Variants in DLGAP1 observed in about 807,000 individuals in gnomAD.
DLGAP1 encodes disks large-associated protein 1.
In DLGAP1, 11 loss-of-function variants were observed where a neutral mutation model predicts 90.8. The ratio of observed to expected loss-of-function variants is 0.12; its 90% CI spans 0.08 to 0.20. The LOEUF (loss-of-function observed/expected upper bound fraction) is 0.20, where lower values mean the gene tolerates loss of function less well. DLGAP1 is among the 10% of genes least tolerant of loss of function. DLGAP1 has a pLI of 1.00. For missense variants in DLGAP1, 1,050 were observed against 1,333.8 expected (o/e 0.79, Z 3.31); for synonymous variants, 558 against 540.7 (o/e 1.03, Z -0.44).
At chr18:4,274,160 T>A (rs2079354323) in intron 1 of DLGAP1, among the ~76,000 whole-genome samples, 1 of 152,146 alleles carries the variant, frequency 6.6e-6, no homozygotes, top group Non-Finnish European at 1.5e-5. Context: ...GTTATAACTT[T>A]CCCTCTAAGT....
At chr18:3,758,743 G>A (rs1251511034) in intron 5 of DLGAP1, among the ~76,000 whole-genome samples, 1 of 152,160 alleles carries the variant, frequency 6.6e-6, no homozygotes, top group East Asian at 1.9e-4. Flanking sequence ...TCATGCATAT[G>A]ACTCATGCAT....
In DLGAP1 at chr18:3,582,112, C is replaced by T. The variant is rs765088053; in HGVS notation, c.1728G>A (p.Gln576=). ...CAGACTGGCTGATAATATCTCCTCG[C>T]TGGCCCTGTCCGTCCATGTAGGCAT... is the stretch of plus-strand genomic sequence containing the variant. ...AQDAYMDGQG[Q]RGDIISQSGL... Residue 576 remains glutamine (Q), a synonymous_variant, in exon 8 of 13, where the codon CAG becomes CAA. Transcript: ENST00000315677. 3 of 1,613,854 alleles carry T rather than the reference C, an allele frequency of 1.9e-6. No homozygotes were observed. The highest frequency in any genetic ancestry group is 4.5e-5 in the East Asian group (2 of 44,878).
At chr18:4,082,024 A>C (rs2075615190) in intron 2 of DLGAP1, among the ~76,000 whole-genome samples, 1 of 151,838 alleles carries the variant, frequency 6.6e-6, no homozygotes, top group African/African-American at 2.4e-5. Context: ...CCTGGCCAAC[A>C]TGGTGAAATA....
At chr18:3,502,216 A>C (rs2049976674) in intron 12 of DLGAP1, 1 of 1,306,056 alleles carries the variant, frequency 7.7e-7, no homozygotes, top group Non-Finnish European at 9.7e-7. Context: ...CCTTCCAGTG[A>C]CTAAAATGGT....
Position 3,601,439 on chromosome 18 carries a change from GGTGTGTGT to G in DLGAP1, c.1592-19199_1592-19192del, listed in dbSNP as rs112583120. Among the ~76,000 whole-genome samples, 7 of 148,112 alleles carry G rather than the reference GGTGTGTGT, an allele frequency of 4.7e-5. No individual in the cohort carries two copies. The East Asian group carries it at 9.8e-4, about 21-fold the overall frequency. On this transcript the variant is annotated intron_variant, in intron 7 of 12. Coordinates refer to ENST00000315677, the MANE Select transcript of DLGAP1 (RefSeq NM_004746.4). Reference sequence around the variant, plus strand: ...CAGATAAACACTTCACATATGCAAGGGTGTGTGTGTGTGTGTGTGTGTGTTTTAACTCA... The same window carrying G: ...CAGATAAACACTTCACATATGCAAGGGTGTGTGTGTGTGTGTTTTAACTCA...
At chr18:3,908,540 T>C (rs2071962672) in intron 3 of DLGAP1, among the ~76,000 whole-genome samples, 1 of 152,178 alleles carries the variant, frequency 6.6e-6, no homozygotes, top group South Asian at 2.1e-4. Flanking sequence ...CTCTTGATGA[T>C]TCTGATGTGC....
At chr18:3,563,307 G>A (rs2054248956) in intron 9 of DLGAP1, among the ~76,000 whole-genome samples, 1 of 152,044 alleles carries the variant, frequency 6.6e-6, no homozygotes, top group African/African-American at 2.4e-5. Flanking sequence ...CTGAATCTGA[G>A]GTGTCTGACA....
At chr18:4,008,195 C>T (rs949044853) in intron 2 of DLGAP1, among the ~76,000 whole-genome samples, 1 of 150,590 alleles carries the variant, frequency 6.6e-6, no homozygotes, top group African/African-American at 2.5e-5. Context: ...CAGAACCAAA[C>T]CCTATATGTA....
intron 1 of DLGAP1, among the ~76,000 whole-genome samples, chr18:4,182,553 C>G (rs1348659469): frequency 6.6e-6 from 1 of 152,112 alleles, no homozygotes; most frequent in Non-Finnish European, 1.5e-5. Flanking sequence ...GAAGATCCCA[C>G]ATAAGTTGGA....
intron 2 of DLGAP1, among the ~76,000 whole-genome samples, chr18:4,037,099 T>C (rs1311253866): frequency 6.6e-6 from 1 of 152,144 alleles, no homozygotes; most frequent in African/African-American, 2.4e-5. Flanking sequence ...GGCACTGAAA[T>C]ACTAGAAGGC....
At chr18:3,592,699 C>G (rs921104239) in intron 7 of DLGAP1, among the ~76,000 whole-genome samples, 7 of 151,452 alleles carry the variant, frequency 4.6e-5, no homozygotes, top group Non-Finnish European at 8.8e-5. Context: ...CAACAACTAG[C>G]TGGTCATGGT....
At chr18:4,069,190 T>C (rs1169629045) in intron 2 of DLGAP1, among the ~76,000 whole-genome samples, 1 of 152,170 alleles carries the variant, frequency 6.6e-6, no homozygotes, top group African/African-American at 2.4e-5. Flanking sequence ...CAAAGGCATT[T>C]TTTCCTTGAA....
chr18:3,949,282 T>C (rs1337672609), intron 3 of DLGAP1, among the ~76,000 whole-genome samples: 1 of 152,174 alleles, frequency 6.6e-6, no homozygotes, highest in Non-Finnish European at 1.5e-5. Context: ...TAGTAACTTG[T>C]TTGTCCTTCA....
intron 1 of DLGAP1, among the ~76,000 whole-genome samples, chr18:4,423,723 C>G (rs1244242540): frequency 6.6e-6 from 1 of 151,824 alleles, no homozygotes; most frequent in East Asian, 1.9e-4. Flanking sequence ...TTCAATTCTG[C>G]CAACTCACAG....
chr18:3,938,750 TG>T (rs2072698454), intron 3 of DLGAP1, among the ~76,000 whole-genome samples: 1 of 152,088 alleles, frequency 6.6e-6, no homozygotes, highest in Admixed American at 6.5e-5. Context: ...GCAGACCACG[TG>T]GGGCCCATGG....
At position 3,572,027 on chromosome 18, in the gene DLGAP1, C is replaced by T. The variant is rs555251467; in HGVS notation, c.1966-4446G>A. Among the ~76,000 whole-genome samples, 21 of 147,516 alleles carry T rather than the reference C, an allele frequency of 1.4e-4. No individual in the cohort carries two copies. The South Asian group carries it at 2.1e-3, about 15-fold the overall frequency. On this transcript the variant is annotated intron_variant, in intron 8 of 12. Coordinates refer to ENST00000315677, the MANE Select transcript of DLGAP1 (RefSeq NM_004746.4). Reference sequence around the variant, plus strand: ...CCTCTGTATTTATATTATATTCTTTCACGTTGCTGAATTCTAATGGATTTT... The same window carrying T: ...CCTCTGTATTTATATTATATTCTTTTACGTTGCTGAATTCTAATGGATTTT...
intron 7 of DLGAP1, among the ~76,000 whole-genome samples, chr18:3,665,098 G>T (rs1193787499): frequency 6.6e-6 from 1 of 152,140 alleles, no homozygotes; most frequent in East Asian, 1.9e-4. Flanking sequence ...GTGGGCGCAG[G>T]AATGCATAGA....
chr18:3,636,154 T>C (rs7234611), intron 7 of DLGAP1, among the ~76,000 whole-genome samples: 53,559 of 150,564 alleles, frequency 0.36, 10,532 homozygotes, highest in East Asian at 0.78. Flanking sequence ...GAGTTTCCAC[T>C]CTCCCTTTCT....
In DLGAP1 at chr18:4,355,655, C is replaced by A. The variant is rs761179040; in HGVS notation, c.-267+99351G>T. 3.1e-3 allele frequency among the ~76,000 whole-genome samples: 463 copies of A among 151,080 alleles called. 2 individuals are homozygous for A. The highest frequency in any genetic ancestry group is 5.3e-3 in the Non-Finnish European group (357 of 67,880). On this transcript the variant is annotated intron_variant, in intron 1 of 12. Transcript: ENST00000315677. The stretch of plus-strand genomic sequence containing the variant: ...TGACTTCTGTAGATGGTGCCCACAT[C>A]CATTTCCTGGTTGTGATATTGTACT...
Sources: allele counts gnomAD v4.1 joint callset (sites outside exome capture counted in the v4.1 genomes callset), GRCh38; gene constraint gnomAD v4.1.1; transcripts MANE v1.5; gene names NCBI Gene and HGNC (gene_info 2026-07-23, HGNC 2026-07-21).